FCF1: variants seen among roughly 807,000 people sequenced by gnomAD.
The protein encoded by FCF1 is FCF1 rRNA-processing protein.
In FCF1, 17 loss-of-function variants were observed where a neutral mutation model predicts 32.5. The ratio of observed to expected loss-of-function variants is 0.52; its 90% CI spans 0.36 to 0.78. The LOEUF (loss-of-function observed/expected upper bound fraction) is 0.78. FCF1 is among the 30% of genes least tolerant of loss of function. The pLI is 0.00. For synonymous variants in FCF1, 84 were observed against 78.4 expected, an observed-to-expected ratio of 1.07 and a Z score of -0.38; for missense variants, 201 against 241.1, an observed-to-expected ratio of 0.83 and a Z score of 1.10.
rs573713344 is a variant in FCF1, at chr14:74,727,417, G to A, written c.365+4073G>A. Among the ~76,000 whole-genome samples, 10 of 152,252 alleles carry A rather than the reference G, an allele frequency of 6.6e-5. No individual in the cohort carries two copies. The East Asian group carries it at 1.9e-3, about 29-fold the overall frequency. On this transcript the variant is annotated intron_variant, in intron 5 of 7. Coordinates refer to ENST00000341162, the MANE Select transcript of FCF1 (RefSeq NM_015962.5). Reference sequence around the variant, plus strand: ...GCATAAATGTCTTCTTTTGAGTAGTGTCTGTTCATGTCCTTCGCCCACTTT... The same window carrying A: ...GCATAAATGTCTTCTTTTGAGTAGTATCTGTTCATGTCCTTCGCCCACTTT...
At chr14:74,715,053 T>A in intron 3 of FCF1, 110 bp downstream of exon 3, 1 of 1,107,688 alleles carries the variant, frequency 9.0e-7, no homozygotes, top group Non-Finnish European at 1.3e-6. Context: ...CTAGCACAAC[T>A]ATGTAGATGA....
intron 5 of FCF1, among the ~76,000 whole-genome samples, chr14:74,724,252 A>G (rs1017766752): frequency 6.6e-6 from 1 of 152,102 alleles, no homozygotes; most frequent in African/African-American, 2.4e-5. Flanking sequence ...AAGGATCACA[A>G]TGCCTGGTGG....
chr14:74,734,998 A>C lies in FCF1; in HGVS notation c.*68A>C. The C allele has an allele frequency of 7.6e-7, 1 of 1,312,936 alleles. No individual in the cohort carries two copies. Among genetic ancestry groups the C allele is most frequent in the Non-Finnish European group, 1.1e-6 (1 of 907,392 alleles). The allele number at this position is 1,312,936 out of a possible 1,614,324, so 81.3% of individuals were successfully genotyped here. On this transcript the variant is annotated 3_prime_UTR_variant, in exon 8 of 8. Coordinates refer to ENST00000341162, the MANE Select transcript of FCF1 (RefSeq NM_015962.5). ...TCTCTTGTTGCCAGTTCATTACACA[A>C]AATGTAGCGGGATTTTTAAGGAATC... is the stretch of plus-strand genomic sequence containing the variant.
At chr14:74,726,304 T>C (rs1359399814) in intron 5 of FCF1, among the ~76,000 whole-genome samples, 2 of 149,492 alleles carry the variant, frequency 1.3e-5, no homozygotes, top group Non-Finnish European at 3.0e-5. Context: ...CTGGGCAACA[T>C]AGTGAGACCC....
At chr14:74,715,032 T>TAA in intron 3 of FCF1, 89 bp downstream of exon 3, 2 of 1,298,768 alleles carry the variant, frequency 1.5e-6, no homozygotes, top group Non-Finnish European at 2.1e-6. Flanking sequence ...CTAACTTATT[T>TAA]GTTAGTAAGT....
chr14:74,724,431 T>G (rs2090548694), intron 5 of FCF1, among the ~76,000 whole-genome samples: 1 of 152,110 alleles, frequency 6.6e-6, no homozygotes, highest in Non-Finnish European at 1.5e-5. Flanking sequence ...ACTACAGGCA[T>G]GCAACACCTC....
chr14:74,714,742 A>C lies in FCF1; in HGVS notation c.72-130A>C. ...TCAGAAAGAGTATGCTGATATTAAC[A>C]TGAGGATATCACAAAGTAGGATTTC... is the stretch of plus-strand genomic sequence containing the variant. On this transcript the variant is annotated intron_variant, in intron 2 of 7. Coordinates refer to ENST00000341162, the MANE Select transcript of FCF1 (RefSeq NM_015962.5). 4 of 1,233,610 alleles carry C rather than the reference A, an allele frequency of 3.2e-6. No homozygotes were observed. The South Asian group carries it at 5.8e-5, about 18-fold the overall frequency. The allele number at this position is 1,233,610 out of a possible 1,614,324, so 76.4% of individuals were successfully genotyped here.
At chr14:74,726,618 T>C (rs893059486) in intron 5 of FCF1, among the ~76,000 whole-genome samples, 1 of 147,400 alleles carries the variant, frequency 6.8e-6, no homozygotes, top group Non-Finnish European at 1.5e-5. Flanking sequence ...TTTTTTTTTT[T>C]ATTATACTTT....
intron 4 of FCF1, among the ~76,000 whole-genome samples, chr14:74,722,064 T>TC (rs1347173444): frequency 6.6e-6 from 1 of 150,902 alleles, no homozygotes; most frequent in Admixed American, 6.6e-5. Flanking sequence ...TTTTTTTTTT[T>TC]TGAGATGGAG....
At chr14:74,721,044 A>AT (rs750216386) in intron 4 of FCF1, among the ~76,000 whole-genome samples, 4,701 of 120,930 alleles carry the variant, frequency 0.039, 243 homozygotes, top group African/African-American at 0.11. Context: ...CACCCACCTA[A>AT]TTTTTTTTTT....
intron 4 of FCF1, among the ~76,000 whole-genome samples, chr14:74,718,772 A>C (rs1478922695): frequency 6.6e-6 from 1 of 152,072 alleles, no homozygotes; most frequent in Admixed American, 6.6e-5. Flanking sequence ...ACGCCTGGCC[A>C]GTATTAATAT....
chr14:74,723,440 T>C, intron 5 of FCF1, 96 bp downstream of exon 5: 3 of 902,434 alleles, frequency 3.3e-6, no homozygotes, highest in East Asian at 5.4e-5. Flanking sequence ...GTTGTGAAAA[T>C]CATACAAAAC....
At chr14:74,723,824 G>T (rs7141254) in intron 5 of FCF1, among the ~76,000 whole-genome samples, 51,136 of 141,066 alleles carry the variant, frequency 0.36, 10,945 homozygotes, top group East Asian at 0.51. Context: ...GCAAAACTCT[G>T]TCTCAAAAAA....
chr14:74,734,923 G>A lies in FCF1; in HGVS notation c.590G>A (p.Arg197Gln), dbSNP rs1235045627. The A allele has an allele frequency of 8.1e-6, 13 of 1,613,546 alleles. No individual in the cohort carries two copies. The highest frequency in any genetic ancestry group is 2.2e-5 in the East Asian group (1 of 44,870). Residue 197 changes from arginine to glutamine, a missense_variant, in exon 8 of 8, where the codon CGA becomes CAA. Physicochemically the swap from Arg to Gln is conservative, Grantham distance 43. Around this residue, in one of 3 missense-constraint regions of FCF1, gnomAD observed 121 missense variants for 147.8 expected, o/e 0.82. Transcript: ENST00000341162. ...ERMPDDYGAP[R>Q]F Reference sequence around the variant, plus strand: ...ATGCCAGATGATTATGGAGCCCCTCGATTCTAATTCTTACAAGACACAGTT... The same window carrying A: ...ATGCCAGATGATTATGGAGCCCCTCAATTCTAATTCTTACAAGACACAGTT...
chr14:74,719,370 T>C lies in FCF1; in HGVS notation c.292+3271T>C, dbSNP rs8011884. Among the ~76,000 whole-genome samples, 147 of 151,090 alleles carry C rather than the reference T, an allele frequency of 9.7e-4. 1 individual carries two copies. Among genetic ancestry groups the C allele is most frequent in the African/African-American group, 3.4e-3 (140 of 41,140 alleles). ...GATCTTCACCCCGTAGTCCCAGCAG[T>C]TTGGGAGGCCGAGGTGGGAGGAGTT... On this transcript the variant is annotated intron_variant, in intron 4 of 7. Coordinates refer to ENST00000341162, the MANE Select transcript of FCF1 (RefSeq NM_015962.5).
chr14:74,733,981 C>G, intron 6 of FCF1, 95 bp from the exon 7 acceptor site: 1 of 790,206 alleles, frequency 1.3e-6, no homozygotes, highest in South Asian at 1.7e-5. Context: ...TGAAAATGAA[C>G]GATTCTCAGA....
In FCF1 at chr14:74,736,883, A is replaced by G. The variant is rs1366363416; in HGVS notation, c.*1953A>G. The G allele has an allele frequency of 3.3e-5, 5 of 152,194 alleles. No homozygotes were observed. Among genetic ancestry groups the G allele is most frequent in the Non-Finnish European group, 7.3e-5 (5 of 68,048 alleles). 9.4% of individuals were successfully genotyped at this position (152,194 alleles called of 1,614,324 possible). ...ACATGTAAATGAATAAATGCCGTAA[A>G]ATAGCAGTGCTAGGGTAAAAGTTTC... is the stretch of plus-strand genomic sequence containing the variant. On this transcript the variant is annotated 3_prime_UTR_variant, in exon 8 of 8. Transcript: ENST00000341162.
At chr14:74,728,094 T>C (rs1370369419) in intron 5 of FCF1, among the ~76,000 whole-genome samples, 1 of 152,226 alleles carries the variant, frequency 6.6e-6, no homozygotes, top group Non-Finnish European at 1.5e-5. Context: ...TGGGCTCTTT[T>C]TTGGCTCCAT....
chr14:74,716,540 A>G (rs962153502), intron 4 of FCF1, among the ~76,000 whole-genome samples: 6 of 152,230 alleles, frequency 3.9e-5, no homozygotes, highest in African/African-American at 7.2e-5. Context: ...ATGATGGTCA[A>G]TTCCTAAGTT....
Sources: gnomAD v4.1 joint callset for allele counts (sites outside exome capture counted in the v4.1 genomes callset) on GRCh38, gnomAD v4.1.1 for gene constraint, gnomAD v4.1.1 regional missense constraint, MANE v1.5 for transcripts, NCBI Gene and HGNC (gene_info 2026-07-23, HGNC 2026-07-21) for gene names.